Variants in NFATC2 observed in about 807,000 individuals in gnomAD.
The protein encoded by NFATC2 is nuclear factor of activated T cells 2, also known as nuclear factor of activated T-cells, cytoplasmic 2.
A neutral mutation model predicts 87.3 loss-of-function variants in NFATC2; 22 were observed. The ratio of observed to expected loss-of-function variants is 0.25; its 90% confidence interval spans 0.18 to 0.36. The LOEUF (loss-of-function observed/expected upper bound fraction) is 0.36, where lower values mean the gene tolerates loss of function less well. NFATC2 is among the 10% of genes least tolerant of loss of function. NFATC2 has a pLI of 1.00. For synonymous variants in NFATC2, 565 were observed against 542.2 expected, an observed-to-expected ratio of 1.04 and a Z score of -0.58; for missense variants, 1,149 against 1,259.1, an observed-to-expected ratio of 0.91 and a Z score of 1.32.
At chr20:51,543,462 G>T (rs888018811), upstream of NFATC2, among the ~76,000 whole-genome samples, 1 of 152,250 alleles carries the variant, frequency 6.6e-6, no homozygotes, top group African/African-American at 2.4e-5. Flanking sequence ...CCTCTCTGAG[G>T]AGGTGACATT....
intron 3 of NFATC2, among the ~76,000 whole-genome samples, chr20:51,502,263 G>A (rs1328911024): frequency 1.3e-5 from 2 of 152,186 alleles, no homozygotes; most frequent in Non-Finnish European, 2.9e-5. Context: ...CACTTTTATT[G>A]CTGCATTTTG....
At chr20:51,421,818 A>G (rs1005413525) in intron 9 of NFATC2, among the ~76,000 whole-genome samples, 10 of 152,222 alleles carry the variant, frequency 6.6e-5, no homozygotes, top group African/African-American at 1.7e-4. Context: ...AATGCAGCCC[A>G]TGGAGCACCA....
chr20:51,473,166 C>T (rs1988393879), intron 5 of NFATC2, among the ~76,000 whole-genome samples: 1 of 152,290 alleles, frequency 6.6e-6, no homozygotes, highest in African/African-American at 2.4e-5. Context: ...TCGTATCAGA[C>T]TCCGAAAATC....
At chr20:51,438,049 ACAT>A (rs1202364746) in intron 6 of NFATC2, among the ~76,000 whole-genome samples, 2 of 152,232 alleles carry the variant, frequency 1.3e-5, no homozygotes, top group Non-Finnish European at 2.9e-5. Context: ...CGCTGGATGG[ACAT>A]CGAGGAATTG....
chr20:51,400,113 T>C (rs1030338657), intron 9 of NFATC2, among the ~76,000 whole-genome samples: 5 of 152,080 alleles, frequency 3.3e-5, no homozygotes, highest in African/African-American at 1.2e-4. Context: ...TACATGCTTC[T>C]GGATTTACCC....
intron 6 of NFATC2, among the ~76,000 whole-genome samples, chr20:51,440,553 T>C (rs1600734832): frequency 6.6e-6 from 1 of 152,300 alleles, no homozygotes; most frequent in Middle Eastern, 3.4e-3. Context: ...CACCATTAAC[T>C]TTAAAAACAC....
At chr20:51,478,335 C>T (rs1265187091) in intron 3 of NFATC2, among the ~76,000 whole-genome samples, 1 of 152,172 alleles carries the variant, frequency 6.6e-6, no homozygotes, top group Non-Finnish European at 1.5e-5. Context: ...TTCCTCATCT[C>T]CTCTCCTGGA....
intron 1 of NFATC2, among the ~76,000 whole-genome samples, chr20:51,561,377 A>AAAAG (rs373335401): frequency 6.8e-6 from 1 of 147,928 alleles, no homozygotes; most frequent in Non-Finnish European, 1.5e-5. Context: ...AAAGAGAGAG[A>AAAAG]AAAGAAAGAA....
At chr20:51,425,674 C>G (rs1981702093) in intron 9 of NFATC2, among the ~76,000 whole-genome samples, 1 of 152,258 alleles carries the variant, frequency 6.6e-6, no homozygotes, top group African/African-American at 2.4e-5. Flanking sequence ...TGAAAGATCC[C>G]TGAACTGCTG....
At chr20:51,415,137 T>C (rs2146284112) in intron 9 of NFATC2, among the ~76,000 whole-genome samples, 1 of 151,758 alleles carries the variant, frequency 6.6e-6, no homozygotes, top group African/African-American at 2.4e-5. Context: ...TCCCAGCTAC[T>C]TGGGGAGCTG....
chr20:51,519,215 G>C lies in NFATC2; in HGVS notation c.1161-2260C>G, dbSNP rs540670673. Among the ~76,000 whole-genome samples the C allele has an allele frequency of 1.6e-3, 236 of 152,254 alleles. 3 individuals carry two copies. The highest frequency in any genetic ancestry group is 5.4e-3 in the African/African-American group (224 of 41,554). ...CTCCTTAAAAAACCACTTTAGCCCTGTATTAATATGCTTTAAAGCACCAAA... is the reference window on the plus strand; with the variant it reads ...CTCCTTAAAAAACCACTTTAGCCCTCTATTAATATGCTTTAAAGCACCAAA... On this transcript the variant is annotated intron_variant, in intron 2 of 10. Coordinates refer to ENST00000371564, the MANE Select transcript of NFATC2 (RefSeq NM_012340.5).
intron 2 of NFATC2, among the ~76,000 whole-genome samples, chr20:51,519,502 T>C (rs999942262): frequency 1.1e-4 from 16 of 150,716 alleles, no homozygotes; most frequent in Non-Finnish European, 2.2e-4. Context: ...TGTGTGCCTG[T>C]AGTCCCAGCT....
upstream of NFATC2, among the ~76,000 whole-genome samples, chr20:51,544,073 T>C (rs1001927639): frequency 1.4e-5 from 2 of 145,542 alleles, no homozygotes; most frequent in African/African-American, 5.1e-5. Context: ...TTGCAAGCTC[T>C]GCCTTCTGGG....
At chr20:51,458,870 G>A (rs565615487) in intron 5 of NFATC2, among the ~76,000 whole-genome samples, 9 of 152,248 alleles carry the variant, frequency 5.9e-5, no homozygotes, top group Admixed American at 3.9e-4. Flanking sequence ...TTTATCTGTG[G>A]TACCATCACT....
At chr20:51,501,235 C>T (rs2076085282) in intron 3 of NFATC2, among the ~76,000 whole-genome samples, 1 of 152,166 alleles carries the variant, frequency 6.6e-6, no homozygotes, top group South Asian at 2.1e-4. Context: ...ATGTGAATGG[C>T]ACCCTCATGA....
chr20:51,543,975 AT>A (rs11473264), upstream of NFATC2, among the ~76,000 whole-genome samples: 615 of 72,894 alleles, frequency 8.4e-3, 1 homozygote, highest in African/African-American at 0.031. Flanking sequence ...AGAATTCCTA[AT>A]TTTTTTTTTT....
intron 9 of NFATC2, among the ~76,000 whole-genome samples, chr20:51,400,355 C>T (rs529033897): frequency 2.0e-5 from 3 of 151,868 alleles, no homozygotes; most frequent in African/African-American, 4.8e-5. Context: ...AGGAGTCGTT[C>T]GAATCTAGTT....
intron 6 of NFATC2, among the ~76,000 whole-genome samples, chr20:51,436,785 TTA>T (rs1342638514): frequency 6.6e-6 from 1 of 152,248 alleles, no homozygotes; most frequent in African/African-American, 2.4e-5. Context: ...AAAAGCATTG[TTA>T]TATGTTACAC....
chr20:51,556,413 C>T (rs1218999734), intron 1 of NFATC2, among the ~76,000 whole-genome samples: 1 of 152,194 alleles, frequency 6.6e-6, no homozygotes, highest in African/African-American at 2.4e-5. Flanking sequence ...GGCCTTTAGA[C>T]TTCCTTTGGT....
Sources: gnomAD v4.1 joint callset for allele counts (sites outside exome capture counted in the v4.1 genomes callset) on GRCh38, gnomAD v4.1.1 for gene constraint, MANE v1.5 for transcripts, NCBI Gene and HGNC (gene_info 2026-07-23, HGNC 2026-07-21) for gene names.